Variants in CCDC85C observed in about 807,000 individuals in gnomAD.
CCDC85C encodes the protein coiled-coil domain containing 85C, also known as coiled-coil domain-containing protein 85C.
In CCDC85C, 18 loss-of-function variants were observed where a neutral mutation model predicts 38.3. The ratio of observed to expected loss-of-function variants is 0.47; its 90% CI spans 0.33 to 0.70. The LOEUF (loss-of-function observed/expected upper bound fraction) is 0.70, where lower values mean the gene tolerates loss of function less well. Among genes scored for constraint, CCDC85C ranks in the 30% least tolerant of loss-of-function variants. CCDC85C has a pLI of 0.03. For synonymous variants in CCDC85C, 264 were observed against 293.8 expected, an observed-to-expected ratio of 0.90 and a Z score of 1.04; for missense variants, 566 against 621.2, an observed-to-expected ratio of 0.91 and a Z score of 0.94.
intron 1 of CCDC85C, chr14:99,580,206 A>G (rs2054951588): frequency 9.1e-6 from 4 of 439,690 alleles, no homozygotes; most frequent in Non-Finnish European, 1.8e-5. Flanking sequence ...GTGGCCCCGG[A>G]GCTCGGCAGG....
chr14:99,522,059 G>T (rs987925186), intron 3 of CCDC85C, 74 bp downstream of exon 3: 3 of 1,163,142 alleles, frequency 2.6e-6, no homozygotes, highest in African/African-American at 3.1e-5. Context: ...GTGCCCCTCC[G>T]GGCAGGTCAC....
intron 1 of CCDC85C, among the ~76,000 whole-genome samples, chr14:99,549,299 C>T (rs1225022732): frequency 2.6e-5 from 4 of 152,212 alleles, no homozygotes; most frequent in Non-Finnish European, 5.9e-5. Context: ...ACTTCCTCCC[C>T]GGGTCCCCAT....
At chr14:99,531,036 T>G (rs1897482410) in intron 2 of CCDC85C, among the ~76,000 whole-genome samples, 1 of 152,186 alleles carries the variant, frequency 6.6e-6, no homozygotes, top group Non-Finnish European at 1.5e-5. Flanking sequence ...TGTCAGGAAA[T>G]CCACCTTCAT....
At chr14:99,596,700 T>G (rs560923651) in intron 1 of CCDC85C, among the ~76,000 whole-genome samples, 3 of 152,302 alleles carry the variant, frequency 2.0e-5, no homozygotes, top group Admixed American at 2.0e-4. Context: ...CAAGTCCCTT[T>G]AGCAGACAAG....
rs1375530452 is a variant in CCDC85C, at chr14:99,508,377, C to T, written c.*6869G>A. ...GTTTATCTGGGGAGCCTGGGGCAGC[C>T]ACAGGGGTGCTGCTACCTCCAGGGC... On this transcript the variant is annotated 3_prime_UTR_variant, in exon 6 of 6. Transcript: ENST00000380243. 2 of 152,422 alleles carry T rather than the reference C, an allele frequency of 1.3e-5. No individual in the cohort carries two copies. The highest frequency in any genetic ancestry group is 4.8e-5 in the African/African-American group (2 of 41,474). The allele number at this position is 152,422 out of a possible 1,614,324, so 9.4% of individuals were successfully genotyped here.
chr14:99,555,984 G>C (rs774053729), intron 1 of CCDC85C, among the ~76,000 whole-genome samples: 1 of 152,222 alleles, frequency 6.6e-6, no homozygotes, highest in East Asian at 1.9e-4. Context: ...CAGACAGCCC[G>C]ATCGGCTGAT....
At position 99,516,170 on chromosome 14, in the gene CCDC85C, C is replaced by T. The variant is rs953555275; in HGVS notation, c.1170+18G>A. The T allele has an allele frequency of 3.9e-6, 6 of 1,546,146 alleles. No individual in the cohort carries two copies. Among genetic ancestry groups the T allele is most frequent in the African/African-American group, 2.7e-5 (2 of 73,072 alleles). On this transcript the variant is annotated intron_variant, in intron 5 of 5. Transcript: ENST00000380243. The surrounding 1 kb of genome is among the most constrained non-coding windows in gnomAD (Gnocchi z 5.5). Reference sequence around the variant, plus strand: ...CTCCCAGTGCCAAGCCTCTGCCCCCCACCCCTGGAAGCCTCACGTTGCACA... The same window carrying T: ...CTCCCAGTGCCAAGCCTCTGCCCCCTACCCCTGGAAGCCTCACGTTGCACA...
intron 1 of CCDC85C, among the ~76,000 whole-genome samples, chr14:99,554,323 GGA>G (rs5810959): frequency 0.53 from 80,611 of 151,874 alleles, 21,576 homozygotes; most frequent in African/African-American, 0.58. Flanking sequence ...TCGTTTCTAG[GGA>G]GATACACCCC....
In CCDC85C at chr14:99,544,510, G is replaced by GTGTC. The variant is rs1897771450; in HGVS notation, c.794-8423_794-8422insGACA. Among the ~76,000 whole-genome samples, 1 of 152,056 alleles carries GTGTC rather than the reference G, an allele frequency of 6.6e-6. No homozygotes were observed. The highest frequency in any genetic ancestry group is 6.5e-5 in the Admixed American group (1 of 15,278). On this transcript the variant is annotated intron_variant, in intron 1 of 5. Coordinates refer to ENST00000380243, the MANE Select transcript of CCDC85C (RefSeq NM_001144995.2). This position sits in a 1 kb window ranked among gnomAD's most constrained non-coding sequence, Gnocchi z 5.3. ...GAAGGGTGTGTGTGTGTGTGTGTGT[G>GTGTC]TGTGTGTCTGTGTGTCTGTGTGTTC...
Position 99,588,623 on chromosome 14 carries a change from G to C in CCDC85C, c.793+14544C>G, listed in dbSNP as rs1182438675. Among the ~76,000 whole-genome samples the C allele has an allele frequency of 6.6e-6, 1 of 152,148 alleles. No individual in the cohort carries two copies. The highest frequency in any genetic ancestry group is 2.4e-5 in the African/African-American group (1 of 41,440). On this transcript the variant is annotated intron_variant, in intron 1 of 5. Coordinates refer to ENST00000380243, the MANE Select transcript of CCDC85C (RefSeq NM_001144995.2). This position sits in a 1 kb window ranked among gnomAD's most constrained non-coding sequence, Gnocchi z 5.0. ...GCTGGGGAGAGGGAAGCCTGGCACA[G>C]GTGGTGGCAAAGGGTCCCCTGGCTG...
intron 4 of CCDC85C, 59 bp downstream of exon 4, chr14:99,517,029 C>T: frequency 2.0e-6 from 3 of 1,465,426 alleles, no homozygotes; most frequent in South Asian, 1.2e-5. Flanking sequence ...AAAGGTCCCA[C>T]AGTCTCACAG....
At chr14:99,565,980 AT>A (rs1435244979) in intron 1 of CCDC85C, among the ~76,000 whole-genome samples, 1 of 152,230 alleles carries the variant, frequency 6.6e-6, no homozygotes, top group Admixed American at 6.5e-5. Flanking sequence ...CAGAGGCACA[AT>A]GAGCTGTCGT....
In CCDC85C at chr14:99,520,729, C is replaced by T. The variant is rs1486306985; in HGVS notation, c.975+1404G>A. ...CTGACCTCTAGGCACACACAGGCAC[C>T]AGGACGCACTCACCATGGGGCCCTG... is the stretch of plus-strand genomic sequence containing the variant. On this transcript the variant is annotated intron_variant, in intron 3 of 5. Transcript: ENST00000380243. The surrounding 1 kb of genome is among the most constrained non-coding windows in gnomAD (Gnocchi z 4.1). Among the ~76,000 whole-genome samples, 1 of 152,198 alleles carries T rather than the reference C, an allele frequency of 6.6e-6. No individual in the cohort carries two copies. Among genetic ancestry groups the T allele is most frequent in the East Asian group, 1.9e-4 (1 of 5,176 alleles).
intron 1 of CCDC85C, among the ~76,000 whole-genome samples, chr14:99,539,185 T>C (rs1252464012): frequency 6.6e-6 from 1 of 152,224 alleles, no homozygotes; most frequent in Non-Finnish European, 1.5e-5. Flanking sequence ...AAGAATTAAT[T>C]CTAGGCTGGG....
intron 1 of CCDC85C, among the ~76,000 whole-genome samples, chr14:99,581,398 T>C (rs1303378860): frequency 6.6e-6 from 1 of 152,204 alleles, no homozygotes. Flanking sequence ...GGAAGTTCTA[T>C]CTTCCAGGAC....
chr14:99,602,996 C>T (rs2055219779), intron 1 of CCDC85C, among the ~76,000 whole-genome samples, 171 bp downstream of exon 1: 1 of 152,222 alleles, frequency 6.6e-6, no homozygotes. Flanking sequence ...CCGCCCAAAG[C>T]CCCACTTTGG....
At chr14:99,602,503 G>A (rs538685898) in intron 1 of CCDC85C, among the ~76,000 whole-genome samples, 20 of 152,360 alleles carry the variant, frequency 1.3e-4, no homozygotes, top group African/African-American at 4.6e-4. Flanking sequence ...GAGGCACACA[G>A]AGGAGAAAAG....
chr14:99,562,093 G>A (rs932897468), intron 1 of CCDC85C, among the ~76,000 whole-genome samples: 4 of 152,184 alleles, frequency 2.6e-5, no homozygotes, highest in African/African-American at 9.7e-5. Context: ...CCACAGGTGA[G>A]GACATGATGA....
Position 99,507,295 on chromosome 14 carries a change from G to T in CCDC85C, c.*7951C>A. ...AGGAATCTTTGCAAAATTGTTCTTG[G>T]GCTGGGCACAATGGCTTGTGTTTTT... On this transcript the variant is annotated 3_prime_UTR_variant, in exon 6 of 6. Transcript: ENST00000380243. The T allele has an allele frequency of 1.4e-6, 1 of 691,426 alleles. No homozygotes were observed. 42.8% of individuals were successfully genotyped at this position (691,426 alleles called of 1,614,324 possible). A position where few individuals can be genotyped will look rare whatever the true frequency, so the allele number is the denominator to read the frequency against.
Sources: gnomAD v4.1 joint callset for allele counts (sites outside exome capture counted in the v4.1 genomes callset) on GRCh38, gnomAD v4.1.1 for gene constraint, Gnocchi (gnomAD v3.1) non-coding constraint, MANE v1.5 for transcripts, NCBI Gene and HGNC (gene_info 2026-07-23, HGNC 2026-07-21) for gene names.